Variants in PCDHA5 observed in about 807,000 individuals in gnomAD.
The protein encoded by PCDHA5 is protocadherin alpha 5.
Under a neutral mutation model 61.6 loss-of-function variants are expected in PCDHA5, and 43 were observed. That is an observed-to-expected ratio of 0.70 (90% CI 0.55 to 0.90). The LOEUF is 0.90. Among genes scored for constraint, PCDHA5 ranks in the 40% least tolerant of loss-of-function variants. The probability of loss-of-function intolerance (pLI) is 0.00; values close to 1 mark genes in which losing one functional copy is unlikely to be tolerated. For synonymous variants in PCDHA5, 627 were observed against 543.9 expected (o/e 1.15, Z -2.13); for missense variants, 1,298 against 1,222.7 (o/e 1.06, Z -0.92).
intron 1 of PCDHA5, among the ~76,000 whole-genome samples, chr5:140,971,657 G>A (rs961666289): frequency 1.3e-5 from 2 of 151,992 alleles, no homozygotes; most frequent in African/African-American, 4.8e-5. Flanking sequence ...AAGTAGATGG[G>A]AATTAGAGAG....
At chr5:140,982,665 A>T in intron 3 of PCDHA5, 102 bp downstream of exon 3, 1 of 1,465,322 alleles carries the variant, frequency 6.8e-7, no homozygotes, top group Non-Finnish European at 9.0e-7. Context: ...TTTCTTTTAT[A>T]TTTTTGTTAT....
intron 1 of PCDHA5, chr5:140,870,676 G>A (rs561705674): frequency 1.9e-6 from 3 of 1,612,702 alleles, no homozygotes; most frequent in African/African-American, 1.3e-5. Flanking sequence ...GTTGGACCAC[G>A]AGGAGCTGGA....
intron 1 of PCDHA5, among the ~76,000 whole-genome samples, chr5:140,899,543 G>C (rs1231734616): frequency 1.3e-5 from 2 of 152,144 alleles, no homozygotes; most frequent in Non-Finnish European, 2.9e-5. Flanking sequence ...CTTGATCATG[G>C]TGGATAAGCT....
At chr5:140,828,538 TTC>T in intron 1 of PCDHA5, 1 of 1,614,218 alleles carries the variant, frequency 6.2e-7, no homozygotes, top group East Asian at 2.2e-5. Flanking sequence ...GGCTGCCAGA[TTC>T]TGTGTTTCCA....
At chr5:140,995,837 C>T (rs1554254841) in intron 3 of PCDHA5, among the ~76,000 whole-genome samples, 2 of 152,158 alleles carry the variant, frequency 1.3e-5, no homozygotes, top group Non-Finnish European at 2.9e-5. Context: ...TGCACAGTGC[C>T]TCACATTTCT....
chr5:140,856,704 C>T, intron 1 of PCDHA5: 1 of 1,596,654 alleles, frequency 6.3e-7, no homozygotes, highest in Non-Finnish European at 8.6e-7. Context: ...GGAGGCAAAC[C>T]TGAATTTACC....
chr5:140,875,386 C>G, intron 1 of PCDHA5: 1 of 1,465,972 alleles, frequency 6.8e-7, no homozygotes, highest in Non-Finnish European at 9.0e-7. Flanking sequence ...TATGTACTTA[C>G]AGAAAAGGGT....
chr5:140,829,166 G>C lies in PCDHA5; in HGVS notation c.2352+5039G>C, dbSNP rs2150163292. 5 of 1,614,104 alleles carry C rather than the reference G, an allele frequency of 3.1e-6. No homozygotes were observed. The South Asian group carries it at 5.5e-5, about 18-fold the overall frequency. ...AGCACTGACTTCCTTATCCTTGCCT[G>C]TACGTGAAGACGCTCAATTTGGTAC... On this transcript the variant is annotated intron_variant, in intron 1 of 3. Coordinates refer to ENST00000529859, the MANE Select transcript of PCDHA5 (RefSeq NM_018908.3).
chr5:140,923,832 T>C (rs1584323997), intron 1 of PCDHA5, among the ~76,000 whole-genome samples: 1 of 152,306 alleles, frequency 6.6e-6, no homozygotes, highest in East Asian at 1.9e-4. Context: ...TCAGTGGCAG[T>C]TTAAATAGAG....
intron 1 of PCDHA5, among the ~76,000 whole-genome samples, chr5:140,923,098 A>C (rs1003952878): frequency 5.9e-5 from 9 of 152,184 alleles, no homozygotes; most frequent in Non-Finnish European, 1.0e-4. Context: ...GACCAATGGG[A>C]GTATGATTTT....
chr5:140,978,841 T>G, intron 1 of PCDHA5, 108 bp from the exon 2 acceptor site: 1 of 1,563,056 alleles, frequency 6.4e-7, no homozygotes, highest in Non-Finnish European at 8.7e-7. Context: ...ATTCAATACT[T>G]TTTTAGATGC....
At chr5:140,993,817 T>C (rs1467199618) in intron 3 of PCDHA5, among the ~76,000 whole-genome samples, 2 of 152,240 alleles carry the variant, frequency 1.3e-5, no homozygotes, top group Non-Finnish European at 2.9e-5. Context: ...CTAGGAGCAA[T>C]AGGCTATACC....
chr5:140,896,432 G>C (rs2065542713), intron 1 of PCDHA5, among the ~76,000 whole-genome samples: 1 of 152,008 alleles, frequency 6.6e-6, no homozygotes, highest in African/African-American at 2.4e-5. Context: ...ATTCTGACTG[G>C]TGTGACTGCA....
intron 1 of PCDHA5, among the ~76,000 whole-genome samples, chr5:140,909,670 G>C (rs940080549): frequency 6.6e-6 from 1 of 152,142 alleles, no homozygotes; most frequent in African/African-American, 2.4e-5. Flanking sequence ...CACTCTACCA[G>C]TCAGGGAGCC....
intron 1 of PCDHA5, chr5:140,883,809 G>A (rs781801106): frequency 6.2e-7 from 1 of 1,612,420 alleles, no homozygotes; most frequent in East Asian, 2.2e-5. Context: ...CACGCGGAGA[G>A]CGGCAAGGTG....
chr5:140,823,015 C>A lies in PCDHA5; in HGVS notation c.1240C>A (p.Arg414Ser), dbSNP rs2150121299. The change falls in exon 1 of 4, where the codon CGC (arginine) becomes AGC (serine). Residue 414 changes from arginine to serine, a missense_variant. Coordinates refer to ENST00000529859, the MANE Select transcript of PCDHA5 (RefSeq NM_018908.3). ...YSLVLDSALD[R>S]ESVSVYELVV... is the part of the protein sequence containing the mutation. Reference sequence around the variant, plus strand: ...GTTGGTGCTGGACAGCGCCCTGGACCGCGAGAGCGTGTCGGTCTATGAGCT... The same window carrying A: ...GTTGGTGCTGGACAGCGCCCTGGACAGCGAGAGCGTGTCGGTCTATGAGCT... The A allele has an allele frequency of 4.1e-5, 66 of 1,614,106 alleles. No individual in the cohort carries two copies. Among genetic ancestry groups the A allele is most frequent in the Non-Finnish European group, 5.5e-5 (65 of 1,180,048 alleles).
At chr5:140,881,798 A>G (rs2153381417) in intron 1 of PCDHA5, among the ~76,000 whole-genome samples, 1 of 152,372 alleles carries the variant, frequency 6.6e-6, no homozygotes, top group South Asian at 2.1e-4. Context: ...TTGTCCCAAA[A>G]CGAGTGTCGA....
intron 1 of PCDHA5, among the ~76,000 whole-genome samples, chr5:140,895,035 C>T (rs1235775113): frequency 6.6e-6 from 1 of 152,104 alleles, no homozygotes; most frequent in East Asian, 1.9e-4. Context: ...AATTGTCCCC[C>T]ACCCACACCA....
rs782644684 is a variant in PCDHA5 at position 140,870,861 on chromosome 5, G to C, written c.2352+46734G>C. The C allele has an allele frequency of 1.9e-6, 3 of 1,613,770 alleles. No individual in the cohort carries two copies. The African/African-American group carries it at 4.0e-5, about 22-fold the overall frequency. ...AGCTAGTACCGCGGTCGGTGGGTGC[G>C]GGCCACGTGGTGGCGAAGGTGCGCG... On this transcript the variant is annotated intron_variant, in intron 1 of 3. Coordinates refer to ENST00000529859, the MANE Select transcript of PCDHA5 (RefSeq NM_018908.3).
Sources: gnomAD v4.1 joint callset for allele counts (sites outside exome capture counted in the v4.1 genomes callset) on GRCh38, gnomAD v4.1.1 for gene constraint, MANE v1.5 for transcripts, NCBI Gene and HGNC (gene_info 2026-07-23, HGNC 2026-07-21) for gene names.